XKR4: variants seen among roughly 807,000 people sequenced by gnomAD.
XKR4 encodes the protein XK related 4.
In XKR4, 12 loss-of-function variants were observed where a neutral mutation model predicts 53.9. That is an observed-to-expected ratio of 0.22 (90% CI 0.14 to 0.36). XKR4 has a LOEUF of 0.36. Ranked by LOEUF, XKR4 falls within the 10% of genes least tolerant of loss-of-function variation. The probability of loss-of-function intolerance (pLI) is 1.00; values close to 1 mark genes in which losing one functional copy is unlikely to be tolerated. For missense variants in XKR4, 799 were observed against 859.5 expected, an observed-to-expected ratio of 0.93 and a Z score of 0.88; for synonymous variants, 354 against 362.4, an observed-to-expected ratio of 0.98 and a Z score of 0.26.
chr8:55,482,300 A>T (rs1276947344), intron 2 of XKR4, among the ~76,000 whole-genome samples: 2 of 152,200 alleles, frequency 1.3e-5, no homozygotes, highest in African/African-American at 4.8e-5. Context: ...GCAAGGACAA[A>T]AAACCAAACA....
chr8:55,312,539 A>G (rs1819403516), intron 1 of XKR4, among the ~76,000 whole-genome samples: 1 of 152,170 alleles, frequency 6.6e-6, no homozygotes, highest in South Asian at 2.1e-4. Context: ...TGAGATTTAA[A>G]CAATAAGTCT....
intron 1 of XKR4, among the ~76,000 whole-genome samples, chr8:55,298,596 T>G (rs1819134815): frequency 6.6e-6 from 1 of 152,130 alleles, no homozygotes; most frequent in Admixed American, 6.6e-5. Context: ...GCCATTAATG[T>G]GGGATCGGCC....
chr8:55,229,345 C>T (rs1203018053), intron 1 of XKR4, among the ~76,000 whole-genome samples: 4 of 152,226 alleles, frequency 2.6e-5, no homozygotes, highest in African/African-American at 4.8e-5. Context: ...AGCTGGGAGA[C>T]GCAGAGCTGA....
intron 1 of XKR4, among the ~76,000 whole-genome samples, chr8:55,302,427 C>T (rs1410517750): frequency 6.6e-6 from 1 of 152,094 alleles, no homozygotes; most frequent in African/African-American, 2.4e-5. Context: ...AGTCAGGTAG[C>T]ATGATGCCTC....
chr8:55,273,511 G>C (rs1165735506), intron 1 of XKR4, among the ~76,000 whole-genome samples: 2 of 152,154 alleles, frequency 1.3e-5, no homozygotes, highest in African/African-American at 4.8e-5. Context: ...CATGTAGCTT[G>C]AGTGTACAAG....
chr8:55,279,898 C>G (rs1296892912), intron 1 of XKR4, among the ~76,000 whole-genome samples: 1 of 152,180 alleles, frequency 6.6e-6, no homozygotes, highest in Non-Finnish European at 1.5e-5. Flanking sequence ...CATACATTTG[C>G]TCTTCTCTTA....
intron 1 of XKR4, among the ~76,000 whole-genome samples, chr8:55,229,828 A>G (rs1818006827): frequency 6.6e-6 from 1 of 150,572 alleles, no homozygotes; most frequent in South Asian, 2.1e-4. Context: ...TGCATCTACC[A>G]TATCCTCAAA....
At chr8:55,413,131 T>G (rs1439744638) in intron 2 of XKR4, among the ~76,000 whole-genome samples, 1 of 152,356 alleles carries the variant, frequency 6.6e-6, no homozygotes, top group African/African-American at 2.4e-5. Context: ...TATGACATTG[T>G]TTTACTGATT....
intron 1 of XKR4, among the ~76,000 whole-genome samples, chr8:55,141,645 T>TTA (rs1554562802): frequency 8.9e-6 from 1 of 111,930 alleles, no homozygotes; most frequent in Non-Finnish European, 1.8e-5. Context: ...GTGCTTCTGC[T>TTA]TCTCTCTCTC....
intron 2 of XKR4, among the ~76,000 whole-genome samples, chr8:55,404,525 A>C (rs1300158359): frequency 6.6e-6 from 1 of 152,226 alleles, no homozygotes; most frequent in African/African-American, 2.4e-5. Flanking sequence ...GTCTGAAGAA[A>C]GAACAAGCAG....
chr8:55,187,499 G>C (rs1817395978), intron 1 of XKR4, among the ~76,000 whole-genome samples: 1 of 152,162 alleles, frequency 6.6e-6, no homozygotes, highest in South Asian at 2.1e-4. Flanking sequence ...GAACTTGGTT[G>C]ACAGGTGAGT....
chr8:55,465,292 T>C (rs1234465499), intron 2 of XKR4, among the ~76,000 whole-genome samples: 1 of 152,058 alleles, frequency 6.6e-6, no homozygotes, highest in Non-Finnish European at 1.5e-5. Context: ...AACAGAGATA[T>C]AGACCAAAGG....
At chr8:55,334,114 C>T (rs1803419231) in intron 1 of XKR4, among the ~76,000 whole-genome samples, 1 of 152,060 alleles carries the variant, frequency 6.6e-6, no homozygotes, top group Non-Finnish European at 1.5e-5. Flanking sequence ...GAAAGACCTA[C>T]TAATTAAACA....
chr8:55,537,770 C>A lies in XKR4; in HGVS notation c.*13543C>A, dbSNP rs1238647037. 1 of 152,152 alleles carries A rather than the reference C, an allele frequency of 6.6e-6. No individual in the cohort carries two copies. The highest frequency in any genetic ancestry group is 1.5e-5 in the Non-Finnish European group (1 of 68,022). 9.4% of individuals were successfully genotyped at this position (152,152 alleles called of 1,614,324 possible). ...CCTCCACTTTGTGTAGTAAGGACCC[C>A]CCAGGCCCCACAACATCATCACTGT... On this transcript the variant is annotated 3_prime_UTR_variant, in exon 3 of 3. Transcript: ENST00000327381.
chr8:55,290,591 C>G (rs1377950149), intron 1 of XKR4, among the ~76,000 whole-genome samples: 44 of 152,074 alleles, frequency 2.9e-4, no homozygotes, highest in Non-Finnish European at 7.4e-5. Flanking sequence ...TGCACCACCC[C>G]CAACAGGCCC....
At chr8:55,159,690 CA>C (rs1255741472) in intron 1 of XKR4, among the ~76,000 whole-genome samples, 7 of 151,630 alleles carry the variant, frequency 4.6e-5, no homozygotes. Flanking sequence ...ACCTGAACAT[CA>C]AAAAAAGGCA....
intron 2 of XKR4, among the ~76,000 whole-genome samples, chr8:55,485,113 C>T (rs763661933): frequency 6.6e-6 from 1 of 152,320 alleles, no homozygotes; most frequent in East Asian, 1.9e-4. Context: ...GGAGAACATC[C>T]TCAACTTGAT....
intron 1 of XKR4, among the ~76,000 whole-genome samples, chr8:55,209,295 T>C (rs1817694942): frequency 6.6e-6 from 1 of 151,822 alleles, no homozygotes; most frequent in Non-Finnish European, 1.5e-5. Flanking sequence ...GCTTTACACA[T>C]GGGCTCCCAC....
intron 1 of XKR4, among the ~76,000 whole-genome samples, chr8:55,193,583 G>A (rs1026121228): frequency 6.6e-6 from 1 of 152,188 alleles, no homozygotes; most frequent in African/African-American, 2.4e-5. Flanking sequence ...TCACCTTCCT[G>A]ATAGATCCCT....
Sources: gnomAD v4.1 joint callset for allele counts (sites outside exome capture counted in the v4.1 genomes callset) on GRCh38, gnomAD v4.1.1 for gene constraint, MANE v1.5 for transcripts, NCBI Gene and HGNC (gene_info 2026-07-23, HGNC 2026-07-21) for gene names.